CCDC85A: variants seen among roughly 807,000 people sequenced by gnomAD.
The protein encoded by CCDC85A is coiled-coil domain containing 85A, also known as coiled-coil domain-containing protein 85A.
Under a neutral mutation model 50.2 loss-of-function variants are expected in CCDC85A, and 38 were observed. The ratio of observed to expected loss-of-function variants is 0.76; its 90% confidence interval spans 0.58 to 0.99. The LOEUF is 0.99. Ranked by LOEUF, CCDC85A falls within the 50% of genes least tolerant of loss-of-function variation. CCDC85A has a pLI of 0.00. For synonymous variants in CCDC85A, 366 were observed against 301.4 expected, an observed-to-expected ratio of 1.21 and a Z score of -2.22; for missense variants, 820 against 742.0, an observed-to-expected ratio of 1.11 and a Z score of -1.22.
At chr2:56,208,949 A>G (rs1382379667) in intron 2 of CCDC85A, among the ~76,000 whole-genome samples, 2 of 152,128 alleles carry the variant, frequency 1.3e-5, no homozygotes, top group East Asian at 3.9e-4. Flanking sequence ...GAAGCAGACA[A>G]TCTTCATCTT....
intron 2 of CCDC85A, among the ~76,000 whole-genome samples, chr2:56,196,810 G>C (rs1676540048): frequency 1.3e-5 from 2 of 151,566 alleles, no homozygotes; most frequent in Non-Finnish European, 1.5e-5. Context: ...ACATATTGCT[G>C]GTGACTGGCA....
chr2:56,296,070 C>A (rs1671934683), intron 2 of CCDC85A, among the ~76,000 whole-genome samples: 2 of 152,204 alleles, frequency 1.3e-5, no homozygotes, highest in South Asian at 4.1e-4. Context: ...CTACAGGCAG[C>A]AATTTTCCTT....
intron 3 of CCDC85A, among the ~76,000 whole-genome samples, chr2:56,368,784 A>T (rs62164393): frequency 0.5 from 74,783 of 149,572 alleles, 19,807 homozygotes; most frequent in East Asian, 0.78. Context: ...GTTTTAGTCA[A>T]TTGGAAATAT....
chr2:56,242,640 A>T (rs1276061535), intron 2 of CCDC85A, among the ~76,000 whole-genome samples: 2 of 152,144 alleles, frequency 1.3e-5, no homozygotes, highest in Non-Finnish European at 2.9e-5. Context: ...ATTCAACATA[A>T]AATTTGAGTG....
chr2:56,306,607 G>A lies in CCDC85A; in HGVS notation c.1241-36272G>A, dbSNP rs1357576030. ...GGTTGTATAAGCAGTTATGTCATAT[G>A]AGTATAAATTATAAATGCTTTATTA... On this transcript the variant is annotated intron_variant, in intron 2 of 5. Transcript: ENST00000407595. 2.6e-5 allele frequency among the ~76,000 whole-genome samples: 4 copies of A among 152,298 alleles called. No homozygotes were observed. The East Asian group carries it at 7.7e-4, about 29-fold the overall frequency.
Position 56,193,437 on chromosome 2 carries a change from A to C in CCDC85A, c.1237A>C (p.Asn413His), listed in dbSNP as rs1676396553. Reference sequence around the variant, plus strand: ...TCACCGGAATGTCTACAGTGGCATGAACGGTGGGTCAGTATGTGCTGGGGT... The same window carrying C: ...TCACCGGAATGTCTACAGTGGCATGCACGGTGGGTCAGTATGTGCTGGGGT... The part of the protein sequence containing the change: ...PHHRNVYSGM[N>H]ESTLSYVRQL... The change falls in exon 2 of 6, where the codon AAC becomes CAC. Residue 413 changes from asparagine to histidine, a missense_variant. Physicochemically the swap from Asn to His is moderately conservative, Grantham distance 68. Coordinates refer to ENST00000407595, the MANE Select transcript of CCDC85A (RefSeq NM_001080433.2). 1 of 1,600,668 alleles carries C rather than the reference A, an allele frequency of 6.2e-7. No homozygotes were observed. Among genetic ancestry groups the C allele is most frequent in the Admixed American group, 1.7e-5 (1 of 58,928 alleles).
chr2:56,328,716 T>G (rs1673603225), intron 2 of CCDC85A, among the ~76,000 whole-genome samples: 1 of 151,752 alleles, frequency 6.6e-6, no homozygotes, highest in African/African-American at 2.4e-5. Context: ...TTTGATTTCT[T>G]TTTTTCCCTT....
At chr2:56,319,376 G>C (rs537996400) in intron 2 of CCDC85A, among the ~76,000 whole-genome samples, 1 of 152,148 alleles carries the variant, frequency 6.6e-6, no homozygotes, top group South Asian at 2.1e-4. Flanking sequence ...TCCACAACAC[G>C]TTCCAGATGA....
In CCDC85A at chr2:56,184,824, T is replaced by C; in HGVS notation, c.200T>C (p.Met67Thr). Residue 67 changes from methionine to threonine, a missense_variant, in exon 1 of 6, where the codon ATG becomes ACG. Met to Thr is a moderately conservative substitution (Grantham distance 81). Transcript: ENST00000407595. ...GCCGAGGCGGAGAAGGTGAGCGCGA[T>C]GCTGGACCACAGCAACCTCATCCGC... ...RRAEAEKVSA[M>T]LDHSNLIREV... The C allele has an allele frequency of 1.3e-6, 2 of 1,544,586 alleles. No individual in the cohort carries two copies. The highest frequency in any genetic ancestry group is 8.7e-7 in the Non-Finnish European group (1 of 1,145,712).
chr2:56,219,408 T>A (rs1030240742), intron 2 of CCDC85A, among the ~76,000 whole-genome samples: 4 of 151,586 alleles, frequency 2.6e-5, no homozygotes, highest in Non-Finnish European at 1.5e-5. Flanking sequence ...TAAAGTCAGT[T>A]GTATTGAGTT....
intron 2 of CCDC85A, among the ~76,000 whole-genome samples, chr2:56,200,759 G>A (rs984620763): frequency 6.6e-6 from 1 of 152,160 alleles, no homozygotes; most frequent in Non-Finnish European, 1.5e-5. Flanking sequence ...GTTATTCACA[G>A]ATGGCTGTTC....
chr2:56,192,968 C>G lies in CCDC85A; in HGVS notation c.768C>G (p.Pro256=). 3 of 1,613,482 alleles carry G rather than the reference C, an allele frequency of 1.9e-6. No homozygotes were observed. The highest frequency in any genetic ancestry group is 2.5e-6 in the Non-Finnish European group (3 of 1,179,750). Residue 256 remains proline, a synonymous_variant, in exon 2 of 6, where the codon CCC becomes CCG. Transcript: ENST00000407595. The surrounding 1 kb of genome is among the most constrained non-coding windows in gnomAD (Gnocchi z 4.7). ...ACTCCAAGCACAGGAGCGCCAGCCC[C>G]GAGCATCCACAGAAACCCAGAGCCT... ...PEHSKHRSAS[P]EHPQKPRACG...
intron 2 of CCDC85A, among the ~76,000 whole-genome samples, chr2:56,304,089 T>C (rs540881135): frequency 6.6e-6 from 1 of 152,320 alleles, no homozygotes; most frequent in Admixed American, 6.5e-5. Flanking sequence ...AGGTGGCAAC[T>C]GTGATTGTTC....
chr2:56,262,613 G>T (rs1208067843), intron 2 of CCDC85A, among the ~76,000 whole-genome samples: 1 of 152,116 alleles, frequency 6.6e-6, no homozygotes, highest in Non-Finnish European at 1.5e-5. Context: ...CACATTGCTA[G>T]GTTTCATTAA....
intron 2 of CCDC85A, among the ~76,000 whole-genome samples, chr2:56,214,746 C>T (rs1677323550): frequency 6.6e-6 from 1 of 151,852 alleles, no homozygotes; most frequent in South Asian, 2.1e-4. Flanking sequence ...TGTGTTTGTT[C>T]TTTCACTAAT....
At chr2:56,335,622 G>A (rs1473514555) in intron 2 of CCDC85A, among the ~76,000 whole-genome samples, 3 of 145,172 alleles carry the variant, frequency 2.1e-5, no homozygotes, top group African/African-American at 7.8e-5. Flanking sequence ...TTTTTTTTGA[G>A]AAGTAGTCTT....
intron 2 of CCDC85A, among the ~76,000 whole-genome samples, chr2:56,312,719 A>T (rs2104231014): frequency 6.6e-6 from 1 of 152,264 alleles, no homozygotes; most frequent in African/African-American, 2.4e-5. Flanking sequence ...ATTTTTAAGG[A>T]TTTTAACTTG....
At chr2:56,206,763 G>A (rs761349728) in intron 2 of CCDC85A, among the ~76,000 whole-genome samples, 6 of 152,158 alleles carry the variant, frequency 3.9e-5, no homozygotes, top group Non-Finnish European at 8.8e-5. Flanking sequence ...AAGGGTTCCT[G>A]AACAAAGAGG....
intron 2 of CCDC85A, among the ~76,000 whole-genome samples, chr2:56,244,461 G>A (rs2103973865): frequency 6.6e-6 from 1 of 151,968 alleles, no homozygotes; most frequent in African/African-American, 2.4e-5. Flanking sequence ...TCCTTTCAGG[G>A]ACTTAGGCTC....
Sources: allele counts gnomAD v4.1 joint callset (sites outside exome capture counted in the v4.1 genomes callset), GRCh38; gene constraint gnomAD v4.1.1; non-coding constraint Gnocchi (gnomAD v3.1); transcripts MANE v1.5; gene names NCBI Gene and HGNC (gene_info 2026-07-23, HGNC 2026-07-21).